DDR1: variants seen among roughly 807,000 people sequenced by gnomAD.
DDR1 encodes the protein discoidin domain receptor tyrosine kinase 1.
DDR1 carries 64 observed loss-of-function variants against 97.4 expected under a neutral mutation model. The observed-to-expected ratio is 0.66, with a 90% CI of 0.54 to 0.81. The LOEUF (loss-of-function observed/expected upper bound fraction) is 0.81, where lower values mean the gene tolerates loss of function less well. DDR1 is among the 30% of genes least tolerant of loss of function. The pLI is 0.00. For synonymous variants in DDR1, 458 were observed against 503.7 expected (o/e 0.91, Z 1.21); for missense variants, 990 against 1,259.6 (o/e 0.79, Z 3.24).
chr6:30,891,111 C>T lies in DDR1; in HGVS notation c.556C>T (p.Leu186Phe), dbSNP rs746554342. Residue 186 changes from leucine to phenylalanine, a missense_variant, in exon 5 of 18, where the codon CTC becomes TTC. Leu to Phe is a conservative substitution (Grantham distance 22). Transcript: ENST00000376568. The surrounding 1 kb of genome is among the most constrained non-coding windows in gnomAD (Gnocchi z 5.3). ...VCLRVELYGCLWRDGLLSYTA... is the reference protein window; with the variant it reads ...VCLRVELYGCFWRDGLLSYTA... Reference sequence around the variant, plus strand: ...TCTGCGGGTAGAGCTCTATGGCTGCCTCTGGAGGGGTGAGTGGCTCAGCTT... The same window carrying T: ...TCTGCGGGTAGAGCTCTATGGCTGCTTCTGGAGGGGTGAGTGGCTCAGCTT... 4.1e-5 allele frequency: 66 copies of T among 1,612,842 alleles called. No individual in the cohort carries two copies. The highest frequency in any genetic ancestry group is 5.3e-5 in the Non-Finnish European group (62 of 1,180,008).
rs368017560 is a variant in DDR1 at position 30,892,469 on chromosome 6, G to A, written c.1026G>A (p.Val342=). The change falls in exon 8 of 18, where the codon GTG becomes GTA. Residue 342 remains valine, a synonymous_variant. Transcript: ENST00000376568. The part of the protein sequence containing the change: ...RAVSVPLGGR[V]ARFLQCRFLF... ...TCTCAGTGCCCCTTGGCGGCCGTGT[G>A]GCTCGCTTTCTGCAGTGCCGCTTCC... 9.3e-6 allele frequency: 15 copies of A among 1,610,340 alleles called. No homozygotes were observed. The highest frequency in any genetic ancestry group is 1.3e-5 in the Non-Finnish European group (15 of 1,179,668).
chr6:30,887,078 C>A (rs1219538397), intron 1 of DDR1: 1 of 151,748 alleles, frequency 6.6e-6, no homozygotes, highest in Non-Finnish European at 1.5e-5. Context: ...TGCTGATGGT[C>A]CAGGGACCAC....
chr6:30,896,558 G>C, intron 12 of DDR1, 63 bp from the exon 13 acceptor site: 1 of 1,552,962 alleles, frequency 6.4e-7, no homozygotes, highest in Non-Finnish European at 8.7e-7. Flanking sequence ...GAGGTGTGGG[G>C]AACTATAGCT....
chr6:30,890,693 T>A lies in DDR1; in HGVS notation c.418-280T>A. On this transcript the variant is annotated intron_variant, in intron 4 of 17. Transcript: ENST00000376568. This position sits in a 1 kb window ranked among gnomAD's most constrained non-coding sequence, Gnocchi z 5.0. ...GGAGAATCTGGGCACAATGGGATGA[T>A]AGGCTTGGAGACAAATGGATGGAGC... The A allele has an allele frequency of 2.4e-6, 1 of 422,262 alleles. No homozygotes were observed. The allele number at this position is 422,262 out of a possible 1,614,324, so 26.2% of individuals were successfully genotyped here.
chr6:30,885,651 C>A (rs1785507943), intron 1 of DDR1: 2 of 1,340,186 alleles, frequency 1.5e-6, no homozygotes, highest in Non-Finnish European at 2.0e-6. Flanking sequence ...ATTCACTGAG[C>A]GATGGGGTTG....
At chr6:30,882,102 G>A (rs1784399964), upstream of DDR1, 1 of 152,444 alleles carries the variant, frequency 6.6e-6, no homozygotes, top group Non-Finnish European at 1.5e-5. The surrounding 1 kb of genome is among the most constrained non-coding windows in gnomAD (Gnocchi z 4.8). Context: ...GGCAGCTGCA[G>A]CTCCCGGAAG....
Position 30,894,576 on chromosome 6 carries a change from A to G in DDR1, c.1418A>G (p.Asn473Ser). Residue 473 changes from asparagine to serine, a missense_variant, in exon 11 of 18, where the codon AAC (asparagine) becomes AGC (serine). By Grantham distance (46) the Asn-to-Ser change is conservative. Coordinates refer to ENST00000376568, the MANE Select transcript of DDR1 (RefSeq NM_001297654.2). This position sits in a 1 kb window ranked among gnomAD's most constrained non-coding sequence, Gnocchi z 5.7. ...LSVPGDTILI[N>S]NRPGPREPPP... ...GTCCCTGGGGACACTATCCTCATCAACAACCGCCCAGGTCCTAGAGAGCCA... is the reference window on the plus strand; with the variant it reads ...GTCCCTGGGGACACTATCCTCATCAGCAACCGCCCAGGTCCTAGAGAGCCA... The G allele has an allele frequency of 6.2e-7, 1 of 1,613,702 alleles. No individual in the cohort carries two copies.
chr6:30,889,301 G>C lies in DDR1; in HGVS notation c.288G>C (p.Leu96=). The change falls in exon 4 of 18, where the codon CTG becomes CTC. Residue 96 remains leucine (L), a synonymous_variant. Transcript: ENST00000376568. This position sits in a 1 kb window ranked among gnomAD's most constrained non-coding sequence, Gnocchi z 4.9. ...YLQVDLQRLH[L]VALVGTQGRH... is the part of the protein sequence containing the mutation. The stretch of plus-strand genomic sequence containing the variant: ...AGGTGGATCTACAACGACTGCACCT[G>C]GTGGCTCTGGTGGGCACCCAGGGAC... 1 of 1,612,952 alleles carries C rather than the reference G, an allele frequency of 6.2e-7. No homozygotes were observed. The highest frequency in any genetic ancestry group is 8.5e-7 in the Non-Finnish European group (1 of 1,180,006).
Position 30,897,788 on chromosome 6 carries a change from T to C in DDR1, c.2216+191T>C, listed in dbSNP as rs73727119. 0.058 allele frequency among the ~76,000 whole-genome samples: 8,831 copies of C among 152,246 alleles called. 456 individuals are homozygous for C. The highest frequency in any genetic ancestry group is 0.13 in the African/African-American group (5,428 of 41,518). On this transcript the variant is annotated intron_variant, in intron 15 of 17. Transcript: ENST00000376568. This position sits in a 1 kb window ranked among gnomAD's most constrained non-coding sequence, Gnocchi z 5.2. ...TGGACAGAAAGGCTGGAGGTGACTA[T>C]GCAAGAGTGGTGAAGGGACTTGGGC...
upstream of DDR1, chr6:30,881,161 C>T (rs887212829): frequency 6.6e-6 from 1 of 152,620 alleles, no homozygotes; most frequent in Non-Finnish European, 1.5e-5. Flanking sequence ...ACTGGGAGGG[C>T]AGGAGTGGGC....
intron 12 of DDR1, among the ~76,000 whole-genome samples, chr6:30,896,274 A>T (rs1290091343): frequency 6.6e-6 from 1 of 151,788 alleles, no homozygotes; most frequent in Non-Finnish European, 1.5e-5. Context: ...TGCTGGGACC[A>T]TCCTGAGGCG....
rs773677525 is a variant in DDR1 at position 30,888,737 on chromosome 6, C to A, written c.8C>A (p.Pro3Gln). Residue 3 changes from proline (P) to glutamine (Q), a missense_variant, in exon 2 of 18, where the codon CCA (proline) becomes CAA (glutamine). Transcript: ENST00000376568. This position sits in a 1 kb window ranked among gnomAD's most constrained non-coding sequence, Gnocchi z 4.2. Reference protein sequence around the residue: MGPEALSSLLLLL... With the variant: MGQEALSSLLLLL... ...CCCGAGGGATCAGGAGCTATGGGAC[C>A]AGAGGCCCTGTCATCTTTACTGCTG... 49 of 1,612,774 alleles carry A rather than the reference C, an allele frequency of 3.0e-5. No individual in the cohort carries two copies. The highest frequency in any genetic ancestry group is 4.2e-5 in the Non-Finnish European group (49 of 1,180,004).
At chr6:30,895,267 G>T in intron 11 of DDR1, 137 bp from the exon 12 acceptor site, 1 of 649,306 alleles carries the variant, frequency 1.5e-6, no homozygotes, top group South Asian at 2.1e-5. Flanking sequence ...TCACTCTGCA[G>T]ATCCTTGTTT....
chr6:30,883,468 C>CACTGTT (rs1194307425), upstream of DDR1: 1 of 152,994 alleles, frequency 6.5e-6, no homozygotes, highest in East Asian at 1.9e-4. The surrounding 1 kb of genome is among the most constrained non-coding windows in gnomAD (Gnocchi z 4.9). Context: ...TACTCAGTCT[C>CACTGTT]ACTGTTTCAT....
chr6:30,891,527 C>G lies in DDR1; in HGVS notation c.665+48C>G, dbSNP rs961113527. ...ATGGAGTTTGGGGTGGGAGGGAGGA[C>G]TGTGTGTGTGTGTGTGTGTGTGTGT... On this transcript the variant is annotated intron_variant, in intron 6 of 17. Transcript: ENST00000376568. The surrounding 1 kb of genome is among the most constrained non-coding windows in gnomAD (Gnocchi z 5.3). 11 of 798,212 alleles carry G rather than the reference C, an allele frequency of 1.4e-5. No individual in the cohort carries two copies. The highest frequency in any genetic ancestry group is 1.8e-5 in the Non-Finnish European group (9 of 491,878). 49.4% of individuals were successfully genotyped at this position (798,212 alleles called of 1,614,324 possible).
chr6:30,896,084 TC>T (rs1483020205), intron 12 of DDR1, among the ~76,000 whole-genome samples: 1 of 151,674 alleles, frequency 6.6e-6, no homozygotes, highest in Non-Finnish European at 1.5e-5. Context: ...GCTGTTACCC[TC>T]CCTCCTCTCT....
chr6:30,897,371 T>C lies in DDR1; in HGVS notation c.1998-8T>C, dbSNP rs187982887. The C allele has an allele frequency of 3.6e-4, 588 of 1,613,954 alleles. 7 individuals are homozygous for C. In the East Asian group the frequency reaches 0.012, roughly 33 times the overall value. On this transcript the variant is annotated splice_polypyrimidine_tract_variant and splice_region_variant and intron_variant, in intron 14 of 17. Coordinates refer to ENST00000376568, the MANE Select transcript of DDR1 (RefSeq NM_001297654.2). This position sits in a 1 kb window ranked among gnomAD's most constrained non-coding sequence, Gnocchi z 5.2. ...GGCATTCCTCTTCAGCTTCTCCTTG[T>C]TCTCCAGGAATGATTTCCTGAAAGA...
rs747290299 is a variant in DDR1 at position 30,897,437 on chromosome 6, C to T, written c.2056C>T (p.Arg686Trp). Residue 686 changes from arginine (R) to tryptophan (W), a missense_variant, in exon 15 of 18, where the codon CGG (arginine) becomes TGG (tryptophan). Transcript: ENST00000376568. This position sits in a 1 kb window ranked among gnomAD's most constrained non-coding sequence, Gnocchi z 5.2. ...MSRLKDPNII[R>W]LLGVCVQDDP... ...GAGGCTCAAGGACCCAAACATCATT[C>T]GGCTGCTGGGCGTGTGTGTGCAGGA... 14 of 1,614,030 alleles carry T rather than the reference C, an allele frequency of 8.7e-6. No homozygotes were observed. Among genetic ancestry groups the T allele is most frequent in the Admixed American group, 1.7e-5 (1 of 59,998 alleles).
chr6:30,889,878 A>G lies in DDR1; in HGVS notation c.417+448A>G, dbSNP rs1787388415. Among the ~76,000 whole-genome samples the G allele has an allele frequency of 1.3e-5, 2 of 152,084 alleles. No individual in the cohort carries two copies. The highest frequency in any genetic ancestry group is 6.6e-5 in the Admixed American group (1 of 15,262). On this transcript the variant is annotated intron_variant, in intron 4 of 17. Transcript: ENST00000376568. This position sits in a 1 kb window ranked among gnomAD's most constrained non-coding sequence, Gnocchi z 4.9. ...TCACCATTGCCTGGTTGCCTAGGCT[A>G]TAAGTTAAGATGATATCCTTGATTC...
Sources: gnomAD v4.1 joint callset for allele counts (sites outside exome capture counted in the v4.1 genomes callset) on GRCh38, gnomAD v4.1.1 for gene constraint, Gnocchi (gnomAD v3.1) non-coding constraint, MANE v1.5 for transcripts, NCBI Gene and HGNC (gene_info 2026-07-23, HGNC 2026-07-21) for gene names.